Variants in GARIN1B observed in about 807,000 individuals in gnomAD.
GARIN1B encodes the protein Golgi-associated RAB2 interactor protein 1B.
the GARIN1B span, chr7:128,715,509 C>G: frequency 6.2e-7 from 1 of 1,614,110 alleles, no homozygotes; most frequent in Non-Finnish European, 8.5e-7. Flanking sequence ...GTCACAAGAT[C>G]CTATCCAACC....
chr7:128,721,302 C>T, the GARIN1B span, among the ~76,000 whole-genome samples: 1 of 152,116 alleles, frequency 6.6e-6, no homozygotes, highest in Non-Finnish European at 1.5e-5. Context: ...TAGACAAATT[C>T]TGCAAGTTCT....
the GARIN1B span, among the ~76,000 whole-genome samples, chr7:128,712,520 T>C: frequency 6.6e-6 from 1 of 152,186 alleles, no homozygotes; most frequent in African/African-American, 2.4e-5. Context: ...GTTTCCAAAA[T>C]TGTATAAACT....
At chr7:128,725,704 AC>A in the GARIN1B span, among the ~76,000 whole-genome samples, 2 of 152,176 alleles carry the variant, frequency 1.3e-5, no homozygotes, top group East Asian at 3.9e-4. Context: ...TATTTAAAGA[AC>A]CGTTTCTGTT....
chr7:128,728,171 C>T, the GARIN1B span, among the ~76,000 whole-genome samples: 3 of 152,160 alleles, frequency 2.0e-5, no homozygotes, highest in Admixed American at 2.0e-4. Flanking sequence ...GGGCAGGGCG[C>T]GGTGGCTCAC....
chr7:128,725,787 A>T, the GARIN1B span, among the ~76,000 whole-genome samples: 1 of 152,040 alleles, frequency 6.6e-6, no homozygotes. Context: ...TGCATTCCCC[A>T]TTTTGCATAG....
the GARIN1B span, among the ~76,000 whole-genome samples, chr7:128,716,579 A>G: frequency 6.6e-6 from 1 of 152,188 alleles, no homozygotes; most frequent in Non-Finnish European, 1.5e-5. Flanking sequence ...GGAACATTTG[A>G]CGATGTCTGG....
chr7:128,710,102 GA>G, the GARIN1B span, among the ~76,000 whole-genome samples: 1 of 151,936 alleles, frequency 6.6e-6, no homozygotes, highest in East Asian at 1.9e-4. Flanking sequence ...ATTGTTTGTA[GA>G]GACAGGGTTT....
chr7:128,713,133 C>T, the GARIN1B span, among the ~76,000 whole-genome samples: 6 of 151,976 alleles, frequency 3.9e-5, no homozygotes, highest in Non-Finnish European at 7.4e-5. Flanking sequence ...ATGGTGAAAC[C>T]CCATCTCTAC....
the GARIN1B span, chr7:128,719,165 A>T: frequency 6.9e-7 from 1 of 1,455,254 alleles, no homozygotes; most frequent in Non-Finnish European, 9.4e-7. Flanking sequence ...TGAGTGCCCT[A>T]TGAAGGTGAT....
chr7:128,716,167 G>C, the GARIN1B span, among the ~76,000 whole-genome samples: 3 of 152,142 alleles, frequency 2.0e-5, no homozygotes, highest in African/African-American at 7.2e-5. Context: ...GATTGTAAAA[G>C]GGTTGAACTG....
the GARIN1B span, chr7:128,718,728 C>A: frequency 2.4e-5 from 34 of 1,436,904 alleles, no homozygotes; most frequent in Non-Finnish European, 3.1e-5. Context: ...TTTTCTACCT[C>A]CAAAAGCCTT....
the GARIN1B span, chr7:128,731,201 G>A: frequency 7.8e-7 from 1 of 1,276,256 alleles, no homozygotes; most frequent in South Asian, 1.2e-5. Flanking sequence ...TCGGGATGGA[G>A]AGTAGGAGAA....
chr7:128,715,544 G>A, the GARIN1B span: 3 of 1,614,210 alleles, frequency 1.9e-6, no homozygotes, highest in Non-Finnish European at 2.5e-6. Context: ...TGCCTGGGAA[G>A]AATTCAGGGG....
At chr7:128,727,565 T>C in the GARIN1B span, among the ~76,000 whole-genome samples, 1 of 152,124 alleles carries the variant, frequency 6.6e-6, no homozygotes, top group Non-Finnish European at 1.5e-5. Context: ...CAGGTTCTAG[T>C]TCACCCCAAA....
chr7:128,724,807 C>T, the GARIN1B span: 1 of 1,289,734 alleles, frequency 7.8e-7, no homozygotes. Context: ...AGAACAAATT[C>T]CCTTTCTTTC....
At chr7:128,723,173 G>C in the GARIN1B span, 1 of 1,591,202 alleles carries the variant, frequency 6.3e-7, no homozygotes, top group African/African-American at 1.3e-5. Flanking sequence ...TAACCACCTG[G>C]TTCTGCTTTT....
the GARIN1B span, among the ~76,000 whole-genome samples, chr7:128,728,979 TGAC>T: frequency 6.8e-4 from 103 of 152,302 alleles, no homozygotes; most frequent in Middle Eastern, 0.014. Flanking sequence ...ACATACCCCA[TGAC>T]ATTAGGGTTG....
chr7:128,724,739 G>A, the GARIN1B span: 2 of 1,289,484 alleles, frequency 1.6e-6, no homozygotes, highest in Non-Finnish European at 2.0e-6. Flanking sequence ...GAAAAATGAG[G>A]TGTCAGAGAG....
the GARIN1B span, among the ~76,000 whole-genome samples, chr7:128,716,374 T>C: frequency 5.3e-5 from 8 of 152,154 alleles, no homozygotes; most frequent in Admixed American, 4.6e-4. Flanking sequence ...ACCAAGAGGA[T>C]ACATTTTTCA....
Sources: allele counts gnomAD v4.1 joint callset (sites outside exome capture counted in the v4.1 genomes callset), GRCh38; gene constraint gnomAD v4.1.1; transcripts MANE v1.5; gene names NCBI Gene and HGNC (gene_info 2026-07-23, HGNC 2026-07-21).